The following SHTN1 variants were observed in gnomAD, a reference collection of about 807,000 sequenced individuals.
The protein encoded by SHTN1 is shootin 1.
A neutral mutation model predicts 83.1 loss-of-function variants in SHTN1; 42 were observed. The observed-to-expected ratio is 0.51, with a 90% CI of 0.39 to 0.65. The LOEUF (loss-of-function observed/expected upper bound fraction) is 0.65, where lower values mean the gene tolerates loss of function less well. Ranked by LOEUF, SHTN1 falls within the 30% of genes least tolerant of loss-of-function variation. The pLI is 0.00. For synonymous variants in SHTN1, 224 were observed against 247.7 expected (o/e 0.90, Z 0.90); for missense variants, 622 against 737.8 (o/e 0.84, Z 1.82).
chr10:116,895,465 CT>C (rs1206959294), intron 16 of SHTN1, among the ~76,000 whole-genome samples: 5 of 152,152 alleles, frequency 3.3e-5, no homozygotes, highest in Admixed American at 3.3e-4. Context: ...GATAGGCTCC[CT>C]TTTCAGAACT....
chr10:116,884,289 T>G lies in SHTN1; in HGVS notation c.*2055A>C, dbSNP rs752625394. ...CACCCCAGCCAGGGGCAAAACCCCC[T>G]CAAAACCAAAGTGAAAAGGGAAAAA... On this transcript the variant is annotated 3_prime_UTR_variant, in exon 17 of 17. Transcript: ENST00000355371. The G allele has an allele frequency of 4.4e-6, 2 of 457,544 alleles. No individual in the cohort carries two copies. The highest frequency in any genetic ancestry group is 4.0e-5 in the African/African-American group (2 of 50,176). The allele number at this position is 457,544 out of a possible 1,614,324, so 28.3% of individuals were successfully genotyped here. A position where few individuals can be genotyped will look rare whatever the true frequency, so the allele number is the denominator to read the frequency against.
intron 1 of SHTN1, among the ~76,000 whole-genome samples, chr10:117,124,791 A>G (rs996395575): frequency 1.3e-5 from 2 of 152,226 alleles, no homozygotes; most frequent in Non-Finnish European, 2.9e-5. Context: ...AAGATAAAAT[A>G]AAAGTAATAA....
chr10:117,070,406 T>C (rs997627891), intron 1 of SHTN1, among the ~76,000 whole-genome samples: 1 of 152,112 alleles, frequency 6.6e-6, no homozygotes, highest in Non-Finnish European at 1.5e-5. Context: ...CTTTCCTCTA[T>C]CTGCTTTTCT....
At chr10:117,125,636 C>T (rs1373317053) in intron 1 of SHTN1, among the ~76,000 whole-genome samples, 5 of 152,100 alleles carry the variant, frequency 3.3e-5, no homozygotes, top group African/African-American at 9.7e-5. Flanking sequence ...CGATGTGAGA[C>T]CCCCACCTCC....
chr10:116,937,948 T>C (rs1466307660), intron 9 of SHTN1, among the ~76,000 whole-genome samples: 1 of 151,578 alleles, frequency 6.6e-6, no homozygotes, highest in East Asian at 2.0e-4. Flanking sequence ...TTCTGCTTGA[T>C]CGATTCGGCT....
intron 1 of SHTN1, among the ~76,000 whole-genome samples, chr10:117,085,501 A>G (rs367613981): frequency 6.6e-6 from 1 of 152,174 alleles, no homozygotes; most frequent in Non-Finnish European, 1.5e-5. Flanking sequence ...GTCTGAGAGC[A>G]TATTTTGTGA....
intron 16 of SHTN1, among the ~76,000 whole-genome samples, chr10:116,888,994 G>A (rs1230310436): frequency 6.6e-6 from 1 of 152,222 alleles, no homozygotes; most frequent in Non-Finnish European, 1.5e-5. Flanking sequence ...TCTTGGGCCT[G>A]GGCCCACTCT....
intron 16 of SHTN1, among the ~76,000 whole-genome samples, chr10:116,893,242 A>G (rs1847395468): frequency 6.6e-6 from 1 of 152,066 alleles, no homozygotes; most frequent in African/African-American, 2.4e-5. Flanking sequence ...GGAAGGAAAA[A>G]AAATGAAGTG....
intron 2 of SHTN1, among the ~76,000 whole-genome samples, chr10:117,013,481 A>G (rs982358949): frequency 2.0e-5 from 3 of 152,168 alleles, no homozygotes; most frequent in African/African-American, 4.8e-5. Context: ...GCCCAGAAAA[A>G]TATTTTTAAA....
intron 1 of SHTN1, among the ~76,000 whole-genome samples, chr10:117,124,650 G>A (rs1853977460): frequency 6.6e-6 from 1 of 152,130 alleles, no homozygotes; most frequent in African/African-American, 2.4e-5. Flanking sequence ...GTGGGCACCT[G>A]TAATCCCAGC....
chr10:117,012,117 C>T (rs1052644875), intron 2 of SHTN1, among the ~76,000 whole-genome samples: 5 of 139,976 alleles, frequency 3.6e-5, no homozygotes, highest in Non-Finnish European at 7.6e-5. Flanking sequence ...CCAGCCTGGG[C>T]GACAGAATGA....
chr10:117,102,664 CTTTCT>C (rs1853611905), intron 1 of SHTN1, among the ~76,000 whole-genome samples: 1 of 151,846 alleles, frequency 6.6e-6, no homozygotes, highest in Admixed American at 6.6e-5. Flanking sequence ...AATTCAGTTC[CTTTCT>C]TAAGAGTCCA....
chr10:117,050,926 C>T (rs554232866), intron 1 of SHTN1, among the ~76,000 whole-genome samples: 2 of 152,150 alleles, frequency 1.3e-5, no homozygotes, highest in Admixed American at 1.3e-4. Flanking sequence ...GGTGTGGTGG[C>T]ACCTGCCTGT....
chr10:117,099,728 T>C (rs1853561079), intron 1 of SHTN1, among the ~76,000 whole-genome samples: 1 of 152,186 alleles, frequency 6.6e-6, no homozygotes, highest in South Asian at 2.1e-4. Flanking sequence ...CATGAATACT[T>C]GTTGAATTAA....
rs993091927 is a variant in SHTN1, at chr10:117,017,359, C to T, written c.-123+31086G>A. On this transcript the variant is annotated intron_variant, in intron 2 of 17. Transcript: ENST00000392901. Reference sequence around the variant, plus strand: ...ACAAAAAATTAGCCGGGTGCAGTGGCGGGTGCCTGTAGTCCCAGCTACTCG... The same window carrying T: ...ACAAAAAATTAGCCGGGTGCAGTGGTGGGTGCCTGTAGTCCCAGCTACTCG... Among the ~76,000 whole-genome samples the T allele has an allele frequency of 1.1e-4, 16 of 151,506 alleles. No individual in the cohort carries two copies. In the South Asian group the frequency reaches 1.9e-3, roughly 18 times the overall value.
chr10:117,093,197 G>A (rs1177582080), intron 1 of SHTN1, among the ~76,000 whole-genome samples: 2 of 152,078 alleles, frequency 1.3e-5, no homozygotes, highest in East Asian at 3.9e-4. Context: ...GACAAGTTAG[G>A]TAGCATGCCC....
chr10:117,032,447 G>T (rs1026671738), intron 2 of SHTN1, among the ~76,000 whole-genome samples: 1 of 151,972 alleles, frequency 6.6e-6, no homozygotes, highest in Non-Finnish European at 1.5e-5. Context: ...TTTTTGATCT[G>T]CCCGCCTCAG....
At chr10:117,000,627 T>C (rs1321810065) in intron 1 of SHTN1, among the ~76,000 whole-genome samples, 3 of 152,306 alleles carry the variant, frequency 2.0e-5, no homozygotes, top group African/African-American at 7.2e-5. Flanking sequence ...GGAAATGACA[T>C]GGCATTACTA....
At chr10:117,083,132 G>A (rs1356887390) in intron 1 of SHTN1, among the ~76,000 whole-genome samples, 5 of 150,900 alleles carry the variant, frequency 3.3e-5, no homozygotes, top group Admixed American at 1.3e-4. Context: ...TCCTAATCTC[G>A]ATGGTCTTTA....
Sources: gnomAD v4.1 joint callset for allele counts (sites outside exome capture counted in the v4.1 genomes callset) on GRCh38, gnomAD v4.1.1 for gene constraint, MANE v1.5 for transcripts, NCBI Gene and HGNC (gene_info 2026-07-23, HGNC 2026-07-21) for gene names.